Variants in ANK1 observed in about 807,000 individuals in gnomAD.
ANK1 encodes the protein ankyrin-1.
In ANK1, 51 loss-of-function variants were observed where a neutral mutation model predicts 210.4. The ratio of observed to expected loss-of-function variants is 0.24; its 90% confidence interval spans 0.19 to 0.31. ANK1 has a LOEUF of 0.31. ANK1 is among the 10% of genes least tolerant of loss of function. ANK1 has a pLI of 1.00. For missense variants in ANK1, 2,051 were observed against 2,504.4 expected (o/e 0.82, Z 3.86); for synonymous variants, 967 against 1,025.9 (o/e 0.94, Z 1.10).
chr8:41,791,092 T>TAGA (rs1847568909), intron 1 of ANK1, among the ~76,000 whole-genome samples: 2 of 152,014 alleles, frequency 1.3e-5, no homozygotes, highest in Admixed American at 6.6e-5. Context: ...TGCTCCACTG[T>TAGA]TTGCAAATCA....
At position 41,722,365 on chromosome 8, in the gene ANK1, T is replaced by C. The variant is rs1055578118; in HGVS notation, c.909+760A>G. 2.0e-4 allele frequency among the ~76,000 whole-genome samples: 30 copies of C among 152,236 alleles called. 1 individual carries two copies. The highest frequency in any genetic ancestry group is 2.0e-3 in the Admixed American group (30 of 15,284). On this transcript the variant is annotated intron_variant, in intron 9 of 42. Coordinates refer to ENST00000289734, the MANE Select transcript of ANK1 (RefSeq NM_000037.4). ...GTCGGGAATAAATCAGCTTTCACTG[T>C]ATGGTCTAAGCCATCATTTTATGAC...
intron 1 of ANK1, among the ~76,000 whole-genome samples, chr8:41,815,414 C>T (rs1484113323): frequency 6.6e-6 from 1 of 152,074 alleles, no homozygotes; most frequent in African/African-American, 2.4e-5. Flanking sequence ...GATATTAAGA[C>T]TCATTTTAAA....
At chr8:41,672,939 G>A (rs766994188) in intron 37 of ANK1, 27 bp from the exon 38 acceptor site, 15 of 1,577,736 alleles carry the variant, frequency 9.5e-6, no homozygotes, top group Middle Eastern at 4.0e-4. Context: ...AGGGCAACAT[G>A]CTCCAGCAGT....
intron 16 of ANK1, among the ~76,000 whole-genome samples, chr8:41,709,237 C>T (rs1825512249): frequency 6.6e-6 from 1 of 152,166 alleles, no homozygotes; most frequent in Non-Finnish European, 1.5e-5. Context: ...AACTGCTGGA[C>T]AGGAAGAGAA....
Position 41,672,539 on chromosome 8 carries a change from C to T in ANK1, c.4911G>A (p.Leu1637=). The T allele has an allele frequency of 6.2e-7, 1 of 1,614,246 alleles. No homozygotes were observed. Among genetic ancestry groups the T allele is most frequent in the Non-Finnish European group, 8.5e-7 (1 of 1,180,058 alleles). ...ACCTCTGACCTTCCTCCTGTTCAAG[C>T]AAATCGATAAGGCCATTTGTGGCAT... ...DSDATNGLID[L]LEQEEGQRSE... The change falls in exon 38 of 43, where the codon TTG becomes TTA. Residue 1637 remains leucine (L), a synonymous_variant. Coordinates refer to ENST00000289734, the MANE Select transcript of ANK1 (RefSeq NM_000037.4).
At chr8:41,729,175 A>T (rs1375694522) in intron 3 of ANK1, among the ~76,000 whole-genome samples, 1 of 152,256 alleles carries the variant, frequency 6.6e-6, no homozygotes, top group East Asian at 1.9e-4. Context: ...TAAATGGAAT[A>T]CAATCTGGCC....
At chr8:41,787,443 AC>A (rs1563769320) in intron 1 of ANK1, among the ~76,000 whole-genome samples, 1 of 151,288 alleles carries the variant, frequency 6.6e-6, no homozygotes, top group Non-Finnish European at 1.5e-5. Context: ...ATGGTGACCC[AC>A]CCCCCAACCC....
At chr8:41,674,278 G>C (rs1813456349) in intron 37 of ANK1, among the ~76,000 whole-genome samples, 1 of 152,074 alleles carries the variant, frequency 6.6e-6, no homozygotes, top group African/African-American at 2.4e-5. Flanking sequence ...TATGGGAATG[G>C]GGATGACAAA....
At chr8:41,776,749 C>A (rs1187811231) in intron 1 of ANK1, among the ~76,000 whole-genome samples, 2 of 152,230 alleles carry the variant, frequency 1.3e-5, no homozygotes, top group African/African-American at 4.8e-5. Flanking sequence ...ACTGGCCTAC[C>A]TATGCCTCTT....
chr8:41,872,390 C>G (rs1815712063), intron 1 of ANK1, among the ~76,000 whole-genome samples: 1 of 152,208 alleles, frequency 6.6e-6, no homozygotes, highest in Non-Finnish European at 1.5e-5. Flanking sequence ...CCATTAAATC[C>G]CCCAGTGCTG....
At position 41,703,441 on chromosome 8, in the gene ANK1, TA is replaced by T. The variant is rs1563491771; in HGVS notation, c.2295+599del. Among the ~76,000 whole-genome samples the T allele has an allele frequency of 5.7e-4, 42 of 73,526 alleles. 2 individuals carry two copies. The highest frequency in any genetic ancestry group is 8.1e-4 in the African/African-American group (17 of 20,894). 48.2% of individuals were successfully genotyped at this position (73,526 alleles called of 152,430 possible). Reference sequence around the variant, plus strand: ...GTGTGTGTATATATATATATATATATATATATATATTTTTTTTTTTTTTTTA... The same window carrying T: ...GTGTGTGTATATATATATATATATATTATATATATTTTTTTTTTTTTTTTA... On this transcript the variant is annotated intron_variant, in intron 20 of 42. Coordinates refer to ENST00000289734, the MANE Select transcript of ANK1 (RefSeq NM_000037.4).
chr8:41,861,444 G>A (rs1486813829), intron 1 of ANK1, among the ~76,000 whole-genome samples: 2 of 152,218 alleles, frequency 1.3e-5, no homozygotes, highest in Admixed American at 6.5e-5. Context: ...TGAAATTAAC[G>A]CACAGCTTGT....
At chr8:41,741,233 T>C (rs1425445602) in intron 2 of ANK1, among the ~76,000 whole-genome samples, 1 of 152,196 alleles carries the variant, frequency 6.6e-6, no homozygotes, top group Non-Finnish European at 1.5e-5. Flanking sequence ...GGGAAAGATC[T>C]GGAGAAGCGG....
In ANK1 at chr8:41,654,524, T is replaced by G. The variant is rs1200526368; in HGVS notation, c.*1266A>C. ...GCTGCCTGGACTTAGAGCACCAAGT[T>G]CACTCTGGGAGACCCTGGGTGGTCC... On this transcript the variant is annotated 3_prime_UTR_variant, in exon 43 of 43. Coordinates refer to ENST00000289734, the MANE Select transcript of ANK1 (RefSeq NM_000037.4). 3 of 152,456 alleles carry G rather than the reference T, an allele frequency of 2.0e-5. No homozygotes were observed. Among genetic ancestry groups the G allele is most frequent in the Non-Finnish European group, 4.4e-5 (3 of 68,020 alleles). 9.4% of individuals were successfully genotyped at this position (152,456 alleles called of 1,614,324 possible).
intron 29 of ANK1, 50 bp from the exon 30 acceptor site, chr8:41,693,251 A>C (rs747377692): frequency 6.8e-7 from 1 of 1,462,394 alleles, no homozygotes. Flanking sequence ...GGATGTAAGC[A>C]TGGAGCTTAC....
intron 1 of ANK1, among the ~76,000 whole-genome samples, chr8:41,795,125 A>G (rs1848511541): frequency 1.3e-5 from 2 of 152,236 alleles, no homozygotes; most frequent in Non-Finnish European, 2.9e-5. Context: ...TTTTCTAAAT[A>G]TATTGCAGTT....
Position 41,704,370 on chromosome 8 carries a change from G to A in ANK1, c.2196+4C>T, listed in dbSNP as rs752785277. Reference sequence around the variant, plus strand: ...CAGGAGTCGGGGCTGGGGCACCCCTGTACCTTGGTCTTGGCATTGACATCT... The same window carrying A: ...CAGGAGTCGGGGCTGGGGCACCCCTATACCTTGGTCTTGGCATTGACATCT... On this transcript the variant is annotated splice_donor_region_variant and intron_variant, in intron 19 of 42. Coordinates refer to ENST00000289734, the MANE Select transcript of ANK1 (RefSeq NM_000037.4). The surrounding 1 kb of genome is among the most constrained non-coding windows in gnomAD (Gnocchi z 4.1). 1 of 1,613,734 alleles carries A rather than the reference G, an allele frequency of 6.2e-7. No individual in the cohort carries two copies. The highest frequency in any genetic ancestry group is 2.2e-5 in the East Asian group (1 of 44,884).
intron 1 of ANK1, among the ~76,000 whole-genome samples, chr8:41,837,805 A>T (rs895897328): frequency 6.6e-6 from 1 of 152,198 alleles, no homozygotes; most frequent in Non-Finnish European, 1.5e-5. Context: ...CAGGAGGCAG[A>T]GGTTGCAGTG....
intron 1 of ANK1, among the ~76,000 whole-genome samples, chr8:41,816,231 C>G (rs1405879228): frequency 6.6e-6 from 1 of 152,110 alleles, no homozygotes; most frequent in Non-Finnish European, 1.5e-5. Flanking sequence ...AAAGCAAGAA[C>G]ATAAAAAGTT....
Sources: gnomAD v4.1 joint callset for allele counts (sites outside exome capture counted in the v4.1 genomes callset) on GRCh38, gnomAD v4.1.1 for gene constraint, Gnocchi (gnomAD v3.1) non-coding constraint, MANE v1.5 for transcripts, NCBI Gene and HGNC (gene_info 2026-07-23, HGNC 2026-07-21) for gene names.